PRP4K: variants seen among roughly 807,000 people sequenced by gnomAD.
PRP4K encodes serine/threonine-protein kinase PRP4 homolog.
At chr6:4,038,919 C>CTT in the PRP4K span, among the ~76,000 whole-genome samples, 100,098 of 143,996 alleles carry the variant, frequency 0.7, 34,639 homozygotes, top group East Asian at 0.77. Context: ...AATTTTTGTG[C>CTT]TTTTTTTTTT....
chr6:4,021,440 G>T, the PRP4K span: 8 of 1,585,808 alleles, frequency 5.0e-6, no homozygotes, highest in Non-Finnish European at 6.9e-6. Context: ...CCGCCGCGGA[G>T]ACCCAGTCGC....
the PRP4K span, chr6:4,063,655 A>G: frequency 6.6e-6 from 1 of 152,198 alleles, no homozygotes; most frequent in Admixed American, 6.5e-5. Context: ...ATACTCCCCA[A>G]TTTAGCATAT....
chr6:4,021,328 C>T, the PRP4K span: 6 of 1,501,982 alleles, frequency 4.0e-6, no homozygotes, highest in Middle Eastern at 1.7e-4. Flanking sequence ...ACACGGTCGG[C>T]ACATGCGCGG....
the PRP4K span, among the ~76,000 whole-genome samples, chr6:4,035,945 A>G: frequency 1.3e-5 from 2 of 152,128 alleles, no homozygotes; most frequent in African/African-American, 4.8e-5. Context: ...AGCCTGTGCA[A>G]CAAGAGCAAA....
the PRP4K span, among the ~76,000 whole-genome samples, chr6:4,029,692 G>A: frequency 6.6e-6 from 1 of 151,654 alleles, no homozygotes; most frequent in Non-Finnish European, 1.5e-5. Context: ...CTCAGTAAAC[G>A]TTTCTTCTTT....
the PRP4K span, chr6:4,021,571 T>C: frequency 6.7e-7 from 1 of 1,492,778 alleles, no homozygotes; most frequent in Non-Finnish European, 9.1e-7. Context: ...AGAGTCAAAC[T>C]TTGCTTTTTC....
At chr6:4,052,304 C>T in the PRP4K span, among the ~76,000 whole-genome samples, 1 of 152,058 alleles carries the variant, frequency 6.6e-6, no homozygotes, top group Non-Finnish European at 1.5e-5. Flanking sequence ...TGTTGCTCCT[C>T]CCGGAGTACA....
At chr6:4,023,848 G>A in the PRP4K span, among the ~76,000 whole-genome samples, 1 of 151,258 alleles carries the variant, frequency 6.6e-6, no homozygotes, top group Non-Finnish European at 1.5e-5. Flanking sequence ...TGGGACCACA[G>A]GCATATGACA....
the PRP4K span, chr6:4,032,016 A>G: frequency 6.2e-7 from 1 of 1,614,000 alleles, no homozygotes; most frequent in Non-Finnish European, 8.5e-7. Context: ...ATCTTCAAGT[A>G]CAAAGGGGAA....
chr6:4,035,284 A>ATTTTTTTTTTTTTTTTTTTTTT, the PRP4K span, among the ~76,000 whole-genome samples: 18 of 58,804 alleles, frequency 3.1e-4, 1 homozygote, highest in Admixed American at 8.7e-4. Flanking sequence ...CGCCCGGCTA[A>ATTTTTTTTTTTTTTTTTTTTTT]TTTTTTTTTT....
chr6:4,037,355 TTTGA>T, the PRP4K span: 1 of 1,478,650 alleles, frequency 6.8e-7, no homozygotes, highest in Non-Finnish European at 9.0e-7. Flanking sequence ...AATCATTTAC[TTTGA>T]TTTATATTTC....
At chr6:4,036,667 G>A in the PRP4K span, among the ~76,000 whole-genome samples, 8 of 151,994 alleles carry the variant, frequency 5.3e-5, no homozygotes, top group African/African-American at 1.7e-4. Flanking sequence ...GTAAACCATT[G>A]TGCCTGGCCT....
chr6:4,037,676 G>A, the PRP4K span: 20 of 1,099,616 alleles, frequency 1.8e-5, 1 homozygote, highest in Admixed American at 6.2e-5. Flanking sequence ...CTGAAAAATC[G>A]TAGTTGTGTT....
chr6:4,021,605 G>C, the PRP4K span: 3 of 1,195,826 alleles, frequency 2.5e-6, no homozygotes, highest in Non-Finnish European at 3.6e-6. Flanking sequence ...TGTGGGGTGG[G>C]AGGCATGGGG....
At chr6:4,043,839 C>T in the PRP4K span, 5 of 1,614,138 alleles carry the variant, frequency 3.1e-6, no homozygotes, top group Non-Finnish European at 4.2e-6. Context: ...CTGAAGATAG[C>T]AACATGTCTG....
chr6:4,051,937 A>G, the PRP4K span: 110,046 of 1,451,788 alleles, frequency 0.076, 3,605 homozygotes, highest in Middle Eastern at 0.18. Context: ...ATTTTACCCC[A>G]ATTTTTTTTT....
At chr6:4,051,301 TTTTG>T in the PRP4K span, among the ~76,000 whole-genome samples, 5 of 152,098 alleles carry the variant, frequency 3.3e-5, no homozygotes, top group South Asian at 2.1e-4. Context: ...TGTTTTGTTT[TTTTG>T]TTTGTTTTTG....
the PRP4K span, among the ~76,000 whole-genome samples, chr6:4,030,152 A>G: frequency 6.6e-6 from 1 of 152,160 alleles, no homozygotes; most frequent in African/African-American, 2.4e-5. Flanking sequence ...CATGTTAGTC[A>G]GGCTGGTCTT....
At chr6:4,033,847 G>A in the PRP4K span, among the ~76,000 whole-genome samples, 12,643 of 151,220 alleles carry the variant, frequency 0.084, 597 homozygotes, top group Middle Eastern at 0.23. Flanking sequence ...TTTTTCCTTT[G>A]GCTTCCTGGA....
Sources: gnomAD v4.1 joint callset for allele counts (sites outside exome capture counted in the v4.1 genomes callset) on GRCh38, gnomAD v4.1.1 for gene constraint, MANE v1.5 for transcripts, NCBI Gene and HGNC (gene_info 2026-07-23, HGNC 2026-07-21) for gene names.